Variants in ANKS1B observed in about 807,000 individuals in gnomAD.
The protein encoded by ANKS1B is ankyrin repeat and sterile alpha motif domain-containing protein 1B.
ANKS1B carries 36 observed loss-of-function variants against 148.3 expected under a neutral mutation model. The ratio of observed to expected loss-of-function variants is 0.24; its 90% CI spans 0.19 to 0.32. ANKS1B has a LOEUF of 0.32. Among genes scored for constraint, ANKS1B ranks in the 10% least tolerant of loss-of-function variants. The pLI, the probability that ANKS1B is intolerant of heterozygous loss-of-function variation, is 1.00. For synonymous variants in ANKS1B, 542 were observed against 560.8 expected (o/e 0.97, Z 0.47); for missense variants, 1,157 against 1,542.6 (o/e 0.75, Z 4.19).
At chr12:98,874,542 G>C (rs2099682537) in intron 17 of ANKS1B, among the ~76,000 whole-genome samples, 1 of 152,104 alleles carries the variant, frequency 6.6e-6, no homozygotes, top group Admixed American at 6.5e-5. Flanking sequence ...TGTTTAAGAG[G>C]TGACACTAAG....
intron 15 of ANKS1B, among the ~76,000 whole-genome samples, chr12:99,126,034 C>A (rs1400955895): frequency 3.3e-5 from 5 of 152,066 alleles, no homozygotes; most frequent in African/African-American, 9.7e-5. Context: ...ACCAAACCCC[C>A]AAAACACAGA....
rs1469381670 is a variant in ANKS1B at position 99,405,936 on chromosome 12, A to G, written c.1576-6125T>C. ...TTTCAAGAAAAAACTATAAAAACAG[A>G]CAAAAAATCATTACATAATGATAAA... On this transcript the variant is annotated intron_variant, in intron 11 of 26. Transcript: ENST00000683438. Among the ~76,000 whole-genome samples, 4 of 145,994 alleles carry G rather than the reference A, an allele frequency of 2.7e-5. 1 individual carries two copies. Among genetic ancestry groups the G allele is most frequent in the Non-Finnish European group, 6.1e-5 (4 of 65,962 alleles).
At chr12:98,742,520 C>T (rs532190406), downstream of ANKS1B, among the ~76,000 whole-genome samples, 30 of 152,336 alleles carry the variant, frequency 2.0e-4, no homozygotes, top group African/African-American at 6.5e-4. Context: ...AGTGATGCCA[C>T]GCTAAGCACA....
At chr12:99,075,317 C>T (rs556987041) in intron 16 of ANKS1B, among the ~76,000 whole-genome samples, 1 of 152,254 alleles carries the variant, frequency 6.6e-6, no homozygotes, top group Admixed American at 6.5e-5. Flanking sequence ...CATGGCAGCC[C>T]ACAAAGAACT....
chr12:99,463,564 G>C (rs1406077814), intron 10 of ANKS1B, among the ~76,000 whole-genome samples: 1 of 152,190 alleles, frequency 6.6e-6, no homozygotes, highest in African/African-American at 2.4e-5. Context: ...GATGGCACCT[G>C]GAAAATCAGG....
chr12:99,229,836 T>C (rs1410350428), intron 14 of ANKS1B, among the ~76,000 whole-genome samples: 2 of 152,080 alleles, frequency 1.3e-5, no homozygotes, highest in African/African-American at 4.8e-5. Context: ...TTTAAGTGTC[T>C]ACAAAGAAGA....
At chr12:98,773,311 G>A (rs917114829) in intron 24 of ANKS1B, 132 bp from the exon 25 acceptor site, 2 of 994,776 alleles carry the variant, frequency 2.0e-6, no homozygotes, top group East Asian at 5.5e-5. Context: ...ACTCAAAGTG[G>A]TCCACTATAT....
chr12:99,530,573 T>A (rs2096978057), intron 9 of ANKS1B, among the ~76,000 whole-genome samples: 1 of 152,152 alleles, frequency 6.6e-6, no homozygotes, highest in African/African-American at 2.4e-5. Flanking sequence ...ATTAAAAAAA[T>A]CAGCAAAAAG....
chr12:99,465,162 T>C (rs1386411718), intron 10 of ANKS1B, among the ~76,000 whole-genome samples: 3 of 152,182 alleles, frequency 2.0e-5, no homozygotes, highest in Non-Finnish European at 2.9e-5. Flanking sequence ...AAAAGAATTT[T>C]CAACCCAGAA....
At chr12:98,935,426 C>T (rs1342377097) in intron 17 of ANKS1B, among the ~76,000 whole-genome samples, 2 of 152,154 alleles carry the variant, frequency 1.3e-5, no homozygotes, top group Non-Finnish European at 2.9e-5. Context: ...ATATTGGCTG[C>T]AGTTTTCTCT....
chr12:98,743,084 T>A (rs376005483), downstream of ANKS1B, among the ~76,000 whole-genome samples: 3 of 152,380 alleles, frequency 2.0e-5, no homozygotes, highest in African/African-American at 7.2e-5. Flanking sequence ...AGATCACTTA[T>A]CAAATTTTCA....
At chr12:98,852,022 CAAAAAAAAAAAAAAAA>C (rs35129903) in intron 17 of ANKS1B, among the ~76,000 whole-genome samples, 1 of 61,092 alleles carries the variant, frequency 1.6e-5, no homozygotes, top group Non-Finnish European at 2.7e-5. Context: ...GACTCCATCT[CAAAAAAAAAAAAAAAA>C]AAAAAAAAAA....
intron 17 of ANKS1B, among the ~76,000 whole-genome samples, chr12:98,837,229 C>T (rs1381754283): frequency 3.3e-5 from 5 of 150,724 alleles, no homozygotes; most frequent in East Asian, 2.0e-4. Context: ...CCCAGCTACT[C>T]GGGAGGCCGA....
At chr12:99,042,546 C>T (rs974897356) in intron 17 of ANKS1B, among the ~76,000 whole-genome samples, 1 of 152,168 alleles carries the variant, frequency 6.6e-6, no homozygotes, top group Admixed American at 6.5e-5. Context: ...TCGCTTTAAG[C>T]CACTTCATTT....
At chr12:98,941,846 G>T (rs2099837284) in intron 17 of ANKS1B, among the ~76,000 whole-genome samples, 1 of 152,140 alleles carries the variant, frequency 6.6e-6, no homozygotes, top group African/African-American at 2.4e-5. Context: ...TAGAGAAAGG[G>T]TAGCAAAAAT....
At chr12:99,714,585 G>A (rs2057059210) in intron 8 of ANKS1B, among the ~76,000 whole-genome samples, 1 of 151,904 alleles carries the variant, frequency 6.6e-6, no homozygotes, top group Non-Finnish European at 1.5e-5. Flanking sequence ...AGTGACCTTT[G>A]ATGTTACTAC....
intron 1 of ANKS1B, among the ~76,000 whole-genome samples, chr12:99,894,792 C>A: frequency 6.8e-6 from 1 of 148,108 alleles, no homozygotes. Context: ...ATAATATATC[C>A]AACAATATAT....
At chr12:99,776,083 G>C (rs958503691) in intron 6 of ANKS1B, among the ~76,000 whole-genome samples, 5 of 152,132 alleles carry the variant, frequency 3.3e-5, no homozygotes, top group Non-Finnish European at 7.4e-5. Flanking sequence ...ACCACAACCA[G>C]CCAGGTAACA....
At chr12:99,715,705 G>A (rs1484601100) in intron 8 of ANKS1B, among the ~76,000 whole-genome samples, 1 of 152,108 alleles carries the variant, frequency 6.6e-6, no homozygotes, top group African/African-American at 2.4e-5. Context: ...CGGGTCCTCA[G>A]ACCCATCAGC....
Sources: gnomAD v4.1 joint callset for allele counts (sites outside exome capture counted in the v4.1 genomes callset) on GRCh38, gnomAD v4.1.1 for gene constraint, MANE v1.5 for transcripts, NCBI Gene and HGNC (gene_info 2026-07-23, HGNC 2026-07-21) for gene names.